Variants in DLEU7 observed in about 807,000 individuals in gnomAD.
DLEU7 encodes leukemia-associated protein 7.
In DLEU7, 17 loss-of-function variants were observed where a neutral mutation model predicts 16.0. That is an observed-to-expected ratio of 1.06 (90% confidence interval 0.73 to 1.59). The LOEUF is 1.59. Ranked by LOEUF, DLEU7 falls within the 40% of genes most tolerant of loss-of-function variation. The pLI is 0.00. For missense variants in DLEU7, 308 were observed against 314.9 expected, an observed-to-expected ratio of 0.98 and a Z score of 0.17; for synonymous variants, 113 against 139.8, an observed-to-expected ratio of 0.81 and a Z score of 1.35.
At chr13:50,784,968 A>G (rs1457098527) in intron 1 of DLEU7, among the ~76,000 whole-genome samples, 2 of 152,144 alleles carry the variant, frequency 1.3e-5, no homozygotes, top group Non-Finnish European at 2.9e-5. Flanking sequence ...TAGATTTAAC[A>G]TAATTGGGCT....
chr13:50,758,539 C>A (rs1199523452), intron 1 of DLEU7, among the ~76,000 whole-genome samples: 1 of 152,186 alleles, frequency 6.6e-6, no homozygotes, highest in South Asian at 2.1e-4. Flanking sequence ...CATGAAGCTG[C>A]AGTTAAGCAG....
intron 1 of DLEU7, among the ~76,000 whole-genome samples, chr13:50,837,716 T>C (rs1774533761): frequency 1.3e-5 from 2 of 152,182 alleles, no homozygotes; most frequent in Admixed American, 6.5e-5. Flanking sequence ...GAGGAAGACA[T>C]TGATGATGAG....
intron 1 of DLEU7, among the ~76,000 whole-genome samples, chr13:50,766,147 G>A (rs1461227780): frequency 1.3e-5 from 2 of 152,154 alleles, no homozygotes; most frequent in African/African-American, 2.4e-5. Context: ...ACTGGATTTG[G>A]CACAAAATGT....
chr13:50,838,622 C>A (rs562718146), intron 1 of DLEU7, among the ~76,000 whole-genome samples: 1 of 152,310 alleles, frequency 6.6e-6, no homozygotes, highest in East Asian at 1.9e-4. Flanking sequence ...CTAGTGCTTT[C>A]TGTCACTATA....
At chr13:50,767,551 G>A (rs1875159513) in intron 1 of DLEU7, among the ~76,000 whole-genome samples, 1 of 151,782 alleles carries the variant, frequency 6.6e-6, no homozygotes, top group Non-Finnish European at 1.5e-5. Context: ...TAGTTCATGG[G>A]ACCATGGTTC....
At chr13:50,761,144 G>GA (rs910853014) in intron 1 of DLEU7, among the ~76,000 whole-genome samples, 3 of 151,852 alleles carry the variant, frequency 2.0e-5, no homozygotes, top group African/African-American at 7.3e-5. Context: ...TCCTTGCTCA[G>GA]AAAAAATCAA....
At chr13:50,738,190 T>G (rs1454407628) in intron 1 of DLEU7, among the ~76,000 whole-genome samples, 1 of 152,164 alleles carries the variant, frequency 6.6e-6, no homozygotes, top group Non-Finnish European at 1.5e-5. Flanking sequence ...TTATGAAGTT[T>G]AATAGATGAA....
At chr13:50,711,886 T>G (rs80184169), downstream of DLEU7, 3 of 151,598 alleles carry the variant, frequency 2.0e-5, no homozygotes, top group Non-Finnish European at 4.4e-5. Flanking sequence ...CACAGGATTT[T>G]TTTTTTTTTT....
At chr13:50,722,953 G>A (rs1873663971) in intron 1 of DLEU7, among the ~76,000 whole-genome samples, 1 of 152,078 alleles carries the variant, frequency 6.6e-6, no homozygotes. Flanking sequence ...GATCTCTCCA[G>A]TTTTACTTGT....
chr13:50,761,891 C>A (rs936848458), intron 1 of DLEU7, among the ~76,000 whole-genome samples: 3 of 151,878 alleles, frequency 2.0e-5, no homozygotes, highest in African/African-American at 7.3e-5. Context: ...AGTAGAGATT[C>A]TTAACTTGAA....
In DLEU7 at chr13:50,833,771, A is replaced by G. The variant is rs146980183; in HGVS notation, c.459+9417T>C. 3.1e-3 allele frequency among the ~76,000 whole-genome samples: 467 copies of G among 152,246 alleles called. 3 individuals carry two copies. The highest frequency in any genetic ancestry group is 0.01 in the African/African-American group (434 of 41,542). ...AAAAGAACAAAGCTGGAGGCATCAC[A>G]CTACCTGACTTCAAACTATACTACA... On this transcript the variant is annotated intron_variant, in intron 1 of 1. Coordinates refer to ENST00000504404, the MANE Select transcript of DLEU7 (RefSeq NM_001306135.2).
intron 1 of DLEU7, among the ~76,000 whole-genome samples, chr13:50,752,703 G>T (rs941905967): frequency 2.6e-5 from 4 of 152,096 alleles, no homozygotes; most frequent in African/African-American, 9.7e-5. Flanking sequence ...TGGGTTCGTG[G>T]TCTCGCTGGC....
chr13:50,818,587 A>G (rs1876802138), downstream of DLEU7: 1 of 152,176 alleles, frequency 6.6e-6, no homozygotes, highest in African/African-American at 2.4e-5. Context: ...TAGAGAGGAA[A>G]AACAGGTATG....
At chr13:50,813,274 A>G (rs1876622603) in intron 1 of DLEU7, among the ~76,000 whole-genome samples, 1 of 152,158 alleles carries the variant, frequency 6.6e-6, no homozygotes, top group Non-Finnish European at 1.5e-5. Flanking sequence ...ACATCACTAA[A>G]AAACTCTGTA....
At chr13:50,789,817 T>C (rs1356493223) in intron 1 of DLEU7, among the ~76,000 whole-genome samples, 1 of 152,236 alleles carries the variant, frequency 6.6e-6, no homozygotes, top group Non-Finnish European at 1.5e-5. Context: ...CATGTCTGCA[T>C]GTCTGCATAG....
At chr13:50,755,761 G>A (rs535318811) in intron 1 of DLEU7, among the ~76,000 whole-genome samples, 120 of 151,918 alleles carry the variant, frequency 7.9e-4, no homozygotes, top group African/African-American at 2.8e-3. Context: ...TTGAGGGGGG[G>A]GGCACGGTAT....
chr13:50,799,442 C>G lies in DLEU7; in HGVS notation c.459+43746G>C, dbSNP rs192914839. The stretch of plus-strand genomic sequence containing the variant: ...GTCCATGTCTCACCTTCACTCCAGC[C>G]GGTTGGTCAGATTAGTAACTAACTG... On this transcript the variant is annotated intron_variant, in intron 1 of 1. Coordinates refer to the DLEU7 transcript ENST00000400393. 1.1e-3 allele frequency among the ~76,000 whole-genome samples: 166 copies of G among 152,282 alleles called. 1 individual carries two copies. Among genetic ancestry groups the G allele is most frequent in the African/African-American group, 3.7e-3 (155 of 41,546 alleles).
chr13:50,782,407 T>C (rs933445215), intron 1 of DLEU7, among the ~76,000 whole-genome samples: 11 of 152,190 alleles, frequency 7.2e-5, no homozygotes, highest in Admixed American at 1.3e-4. Context: ...GATTCTGTTG[T>C]TGGCAGTGTG....
In DLEU7 at chr13:50,785,683, T is replaced by C. The variant is rs1473841176; in HGVS notation, c.459+57505A>G. 2.6e-5 allele frequency among the ~76,000 whole-genome samples: 4 copies of C among 152,340 alleles called. No individual in the cohort carries two copies. The East Asian group carries it at 7.7e-4, about 29-fold the overall frequency. On this transcript the variant is annotated intron_variant, in intron 1 of 1. Coordinates refer to the DLEU7 transcript ENST00000400393. ...CCTGTGGCATCACTTCCTTCTTCTC[T>C]GGGCTGTAGCTGAATTTCCTGACTT...
Sources: allele counts gnomAD v4.1 joint callset (sites outside exome capture counted in the v4.1 genomes callset), GRCh38; gene constraint gnomAD v4.1.1; transcripts MANE v1.5; gene names NCBI Gene and HGNC (gene_info 2026-07-23, HGNC 2026-07-21).